EYS: variants seen among roughly 807,000 people sequenced by gnomAD.
The protein encoded by EYS is protein eyes shut homolog.
A neutral mutation model predicts 282.1 loss-of-function variants in EYS; 250 were observed. The ratio of observed to expected loss-of-function variants is 0.89; its 90% confidence interval spans 0.80 to 0.98. EYS has a LOEUF of 0.98. EYS is among the 50% of genes least tolerant of loss of function. The probability of loss-of-function intolerance (pLI) is 0.00; values close to 1 mark genes in which losing one functional copy is unlikely to be tolerated. For synonymous variants in EYS, 1,355 were observed against 1,282.9 expected (o/e 1.06, Z -1.20); for missense variants, 4,016 against 3,709.0 (o/e 1.08, Z -2.15).
At chr6:64,627,604 T>G (rs1767647866) in intron 22 of EYS, among the ~76,000 whole-genome samples, 1 of 152,204 alleles carries the variant, frequency 6.6e-6, no homozygotes, top group Non-Finnish European at 1.5e-5. Flanking sequence ...ATTTAGCCAC[T>G]GTGCTTTACT....
At chr6:63,893,683 G>T (rs977704645) in intron 35 of EYS, among the ~76,000 whole-genome samples, 1 of 152,008 alleles carries the variant, frequency 6.6e-6, no homozygotes, top group African/African-American at 2.4e-5. Context: ...TATATAACTT[G>T]CATGTTCTGC....
chr6:64,593,204 G>GA lies in EYS; in HGVS notation c.3789dup (p.Pro1264SerfsTer4). ...CTGCTGACCAAAGTCTCAGAAGGGG[G>GA]AATTGTATATGTCTGTGTGGAAATG... On this transcript the variant is annotated frameshift_variant, in exon 25 of 43. Transcript: ENST00000503581. LOFTEE classifies it high-confidence loss of function. 6.5e-7 allele frequency: 1 copy of GA among 1,550,008 alleles called. No homozygotes were observed. The highest frequency in any genetic ancestry group is 2.0e-5 in the Admixed American group (1 of 50,788).
intron 2 of EYS, among the ~76,000 whole-genome samples, chr6:65,523,985 C>T (rs574294601): frequency 6.1e-4 from 93 of 152,332 alleles, no homozygotes; most frequent in African/African-American, 2.2e-3. Flanking sequence ...GATTCTTCTG[C>T]CTCAGCCTCC....
At chr6:65,293,607 T>C (rs1768585875) in intron 12 of EYS, among the ~76,000 whole-genome samples, 1 of 151,872 alleles carries the variant, frequency 6.6e-6, no homozygotes, top group African/African-American at 2.4e-5. Flanking sequence ...ACAACTCCTC[T>C]TCATTAACAT....
chr6:64,331,593 GCCC>G (rs1770649170), intron 29 of EYS, among the ~76,000 whole-genome samples: 1 of 138,564 alleles, frequency 7.2e-6, no homozygotes, highest in Non-Finnish European at 1.6e-5. Context: ...CCTTCCAATA[GCCC>G]CCCCGCCCGC....
chr6:64,891,281 C>A (rs761764470), intron 18 of EYS, among the ~76,000 whole-genome samples: 1 of 151,964 alleles, frequency 6.6e-6, no homozygotes, highest in African/African-American at 2.4e-5. Context: ...CAAATTTGTG[C>A]GAAAATAACA....
rs185401769 is a variant in EYS at position 65,197,576 on chromosome 6, C to T, written c.2023+98287G>A. The stretch of plus-strand genomic sequence containing the variant: ...TGACATTAGATATATAGTCATATGT[C>T]ACTTAACAAGGGGGTATGTTCTGAG... On this transcript the variant is annotated intron_variant, in intron 12 of 42. Transcript: ENST00000503581. Among the ~76,000 whole-genome samples the T allele has an allele frequency of 4.6e-5, 7 of 152,172 alleles. No individual in the cohort carries two copies. The East Asian group carries it at 1.4e-3, about 30-fold the overall frequency.
At chr6:64,260,042 A>C (rs574850060) in intron 30 of EYS, among the ~76,000 whole-genome samples, 1 of 152,156 alleles carries the variant, frequency 6.6e-6, no homozygotes, top group East Asian at 1.9e-4. Context: ...TACTTCTCTT[A>C]GCGTTAAGTA....
intron 22 of EYS, among the ~76,000 whole-genome samples, chr6:64,788,378 C>T (rs1331288810): frequency 6.6e-6 from 1 of 152,118 alleles, no homozygotes; most frequent in African/African-American, 2.4e-5. Flanking sequence ...CTTCAACACT[C>T]AGTGCGTAGA....
chr6:63,811,946 C>A (rs933169977), intron 36 of EYS, among the ~76,000 whole-genome samples: 2 of 152,174 alleles, frequency 1.3e-5, no homozygotes, highest in African/African-American at 2.4e-5. Flanking sequence ...TCTGTTAATA[C>A]CATCAACGTT....
intron 41 of EYS, among the ~76,000 whole-genome samples, chr6:63,739,993 C>A (rs529218228): frequency 1.3e-5 from 2 of 151,886 alleles, no homozygotes; most frequent in Admixed American, 6.6e-5. Context: ...CCACCATGCC[C>A]GGCAGAAAGT....
intron 22 of EYS, among the ~76,000 whole-genome samples, chr6:64,736,628 G>A (rs1325961011): frequency 6.6e-6 from 1 of 152,060 alleles, no homozygotes; most frequent in African/African-American, 2.4e-5. Context: ...AGTCTTTCCT[G>A]GTAAGTCAAA....
intron 35 of EYS, among the ~76,000 whole-genome samples, chr6:63,877,818 A>G (rs190770532): frequency 8.2e-4 from 125 of 152,274 alleles, no homozygotes; most frequent in African/African-American, 2.8e-3. Context: ...TTTCAGCTCC[A>G]TCAGGTCAAT....
chr6:64,079,666 G>A (rs1185528469), intron 32 of EYS, among the ~76,000 whole-genome samples: 1 of 152,044 alleles, frequency 6.6e-6, no homozygotes, highest in Non-Finnish European at 1.5e-5. Context: ...TTGGTGTGCT[G>A]CACCTATTAA....
intron 35 of EYS, among the ~76,000 whole-genome samples, chr6:63,874,092 T>C (rs1772894826): frequency 6.6e-6 from 1 of 152,220 alleles, no homozygotes; most frequent in African/African-American, 2.4e-5. Flanking sequence ...TGAATGGTAT[T>C]GCCTAGGTTT....
chr6:64,440,608 TC>T (rs1774907895), intron 26 of EYS, among the ~76,000 whole-genome samples: 1 of 152,052 alleles, frequency 6.6e-6, no homozygotes, highest in African/African-American at 2.4e-5. Flanking sequence ...GTATTTTTTT[TC>T]CCCATGTAGC....
chr6:64,224,410 A>T (rs1006570810), intron 31 of EYS, among the ~76,000 whole-genome samples: 1 of 151,830 alleles, frequency 6.6e-6, no homozygotes, highest in Non-Finnish European at 1.5e-5. Context: ...AAACCATTCT[A>T]ATGTTTTATA....
intron 31 of EYS, among the ~76,000 whole-genome samples, chr6:64,206,746 G>T (rs112175103): frequency 1.3e-5 from 2 of 152,234 alleles, no homozygotes; most frequent in African/African-American, 4.8e-5. Context: ...AGATTATAGA[G>T]CATTTGAACA....
intron 1 of EYS, among the ~76,000 whole-genome samples, chr6:65,646,139 CA>C (rs1382010693): frequency 6.6e-6 from 1 of 152,016 alleles, no homozygotes; most frequent in Non-Finnish European, 1.5e-5. Context: ...TACTATTCCA[CA>C]AAGTAAAGAA....
Sources: allele counts gnomAD v4.1 joint callset (sites outside exome capture counted in the v4.1 genomes callset), GRCh38; gene constraint gnomAD v4.1.1; transcripts MANE v1.5; gene names NCBI Gene and HGNC (gene_info 2026-07-23, HGNC 2026-07-21).